The following SLC25A40 variants were observed in gnomAD, a reference collection of about 807,000 sequenced individuals.
SLC25A40 encodes the protein solute carrier family 25 member 40, also known as mitochondrial glutathione transporter SLC25A40.
SLC25A40 carries 41 observed loss-of-function variants against 46.5 expected under a neutral mutation model. The ratio of observed to expected loss-of-function variants is 0.88; its 90% CI spans 0.69 to 1.14. SLC25A40 has a LOEUF of 1.14. SLC25A40 is among the 50% of genes most tolerant of loss of function. The probability of loss-of-function intolerance (pLI) is 0.00; values close to 1 mark genes in which losing one functional copy is unlikely to be tolerated. For synonymous variants in SLC25A40, 126 were observed against 127.5 expected (o/e 0.99, Z 0.08); for missense variants, 386 against 393.6 (o/e 0.98, Z 0.16).
intron 1 of SLC25A40, among the ~76,000 whole-genome samples, chr7:87,863,870 C>T (rs1290684066): frequency 6.6e-6 from 1 of 152,168 alleles, no homozygotes; most frequent in African/African-American, 2.4e-5. Flanking sequence ...CCAAAACCTT[C>T]CTGGCCTCTG....
At chr7:87,857,014 CAATT>C (rs1200648476) in intron 3 of SLC25A40, among the ~76,000 whole-genome samples, 13 of 152,068 alleles carry the variant, frequency 8.5e-5, no homozygotes, top group Admixed American at 5.2e-4. Context: ...ACATCATAAG[CAATT>C]AATTTATTTG....
chr7:87,846,436 C>T (rs1167836191), intron 8 of SLC25A40, among the ~76,000 whole-genome samples: 1 of 152,156 alleles, frequency 6.6e-6, no homozygotes, highest in African/African-American at 2.4e-5. Context: ...TTACACTTCT[C>T]ACTTTTCATA....
At chr7:87,851,886 A>G (rs1838517827) in intron 5 of SLC25A40, among the ~76,000 whole-genome samples, 1 of 152,206 alleles carries the variant, frequency 6.6e-6, no homozygotes, top group African/African-American at 2.4e-5. Flanking sequence ...GTAACTTACA[A>G]AGGAAGGCAG....
intron 1 of SLC25A40, among the ~76,000 whole-genome samples, chr7:87,863,617 G>A (rs890944362): frequency 6.0e-5 from 9 of 150,164 alleles, no homozygotes; most frequent in Non-Finnish European, 1.3e-4. Flanking sequence ...CATGTTTTGG[G>A]GGTACATGTG....
chr7:87,864,430 G>A (rs568898099), intron 1 of SLC25A40, among the ~76,000 whole-genome samples: 4 of 152,210 alleles, frequency 2.6e-5, no homozygotes, highest in Admixed American at 6.5e-5. Context: ...TCAAAAAAAC[G>A]TGGTCTTATT....
intron 1 of SLC25A40, among the ~76,000 whole-genome samples, chr7:87,862,741 A>C (rs1838726845): frequency 6.6e-6 from 1 of 152,234 alleles, no homozygotes; most frequent in Non-Finnish European, 1.5e-5. Context: ...AAAGTGTTTT[A>C]ATGAACTCAC....
chr7:87,835,511 T>A lies in SLC25A40; in HGVS notation c.*738A>T, dbSNP rs1036037230. 1.3e-5 allele frequency: 2 copies of A among 151,580 alleles called. No homozygotes were observed. Among genetic ancestry groups the A allele is most frequent in the Non-Finnish European group, 3.0e-5 (2 of 67,676 alleles). 9.4% of individuals were successfully genotyped at this position (151,580 alleles called of 1,614,324 possible). On this transcript the variant is annotated 3_prime_UTR_variant, in exon 12 of 12. Coordinates refer to ENST00000341119, the MANE Select transcript of SLC25A40 (RefSeq NM_018843.4). ...ATGGTTTACCACTGAACACCCAAGT[T>A]TGACTGAAGTGAACATTTGCTACTA...
At chr7:87,865,339 C>T (rs1417136213) in intron 1 of SLC25A40, among the ~76,000 whole-genome samples, 1 of 152,184 alleles carries the variant, frequency 6.6e-6, no homozygotes, top group African/African-American at 2.4e-5. Context: ...CACATTTTGA[C>T]TTTGTCTTAA....
intron 1 of SLC25A40, among the ~76,000 whole-genome samples, chr7:87,871,683 T>G (rs1220745213): frequency 6.6e-6 from 1 of 152,216 alleles, no homozygotes; most frequent in East Asian, 1.9e-4. Flanking sequence ...TGTTTTATCC[T>G]TTGTATATAG....
chr7:87,862,792 G>A (rs529225543), intron 1 of SLC25A40, among the ~76,000 whole-genome samples: 3 of 152,274 alleles, frequency 2.0e-5, no homozygotes, highest in East Asian at 3.9e-4. Context: ...CATGGCAGAA[G>A]GTAAAAGGCA....
intron 10 of SLC25A40, among the ~76,000 whole-genome samples, chr7:87,839,749 G>A (rs1239756984): frequency 6.6e-6 from 1 of 151,750 alleles, no homozygotes; most frequent in East Asian, 1.9e-4. Context: ...CATGGTGCCT[G>A]ACACAGTATA....
At chr7:87,839,261 C>T (rs1562741224) in intron 10 of SLC25A40, among the ~76,000 whole-genome samples, 1 of 151,180 alleles carries the variant, frequency 6.6e-6, no homozygotes, top group Non-Finnish European at 1.5e-5. Context: ...GCAAGTATAA[C>T]CATTTTGTGA....
intron 1 of SLC25A40, among the ~76,000 whole-genome samples, chr7:87,867,768 T>C (rs886829004): frequency 6.6e-6 from 1 of 152,258 alleles, no homozygotes. Flanking sequence ...CTGTTGAATA[T>C]TGTTTCCCAC....
At chr7:87,852,331 A>G (rs1475854954) in intron 5 of SLC25A40, among the ~76,000 whole-genome samples, 1 of 152,230 alleles carries the variant, frequency 6.6e-6, no homozygotes, top group Admixed American at 6.5e-5. Context: ...CCGGTATCTC[A>G]GCACTTTGGG....
intron 10 of SLC25A40, among the ~76,000 whole-genome samples, chr7:87,841,172 T>C (rs543968090): frequency 1.0e-3 from 149 of 149,150 alleles, no homozygotes; most frequent in South Asian, 2.1e-3. Flanking sequence ...TATATATATA[T>C]ATATACATAT....
intron 1 of SLC25A40, among the ~76,000 whole-genome samples, chr7:87,865,864 T>C (rs923956691): frequency 6.6e-6 from 1 of 152,118 alleles, no homozygotes; most frequent in Non-Finnish European, 1.5e-5. Flanking sequence ...GGTGGATCGC[T>C]TGAGCCCAGG....
intron 4 of SLC25A40, among the ~76,000 whole-genome samples, chr7:87,854,981 G>C (rs1015177537): frequency 6.6e-6 from 1 of 151,918 alleles, no homozygotes; most frequent in Non-Finnish European, 1.5e-5. Flanking sequence ...GCTACACAGT[G>C]AGCCTCCATC....
chr7:87,843,649 A>C, intron 9 of SLC25A40, 105 bp downstream of exon 9: 3 of 705,692 alleles, frequency 4.3e-6, no homozygotes, highest in South Asian at 4.0e-5. Flanking sequence ...ATTTTCAAGC[A>C]GTGCAGCCAA....
rs539675158 is a variant in SLC25A40, at chr7:87,854,297, T to A, written c.171A>T (p.Val57=). 2 of 1,601,634 alleles carry A rather than the reference T, an allele frequency of 1.2e-6. No individual in the cohort carries two copies. Among genetic ancestry groups the A allele is most frequent in the Non-Finnish European group, 1.7e-6 (2 of 1,173,490 alleles). ...NNPLPKGKCF[V]YSNGLMDHLC... is the part of the protein sequence containing the mutation. Reference sequence around the variant, plus strand: ...GATGATCCATGAGTCCATTACTATATACAAAACATTTTCCTAACAAAGAAG... The same window carrying A: ...GATGATCCATGAGTCCATTACTATAAACAAAACATTTTCCTAACAAAGAAG... The change falls in exon 5 of 12, where the codon GTA becomes GTT. Residue 57 remains valine, a synonymous_variant. Coordinates refer to ENST00000341119, the MANE Select transcript of SLC25A40 (RefSeq NM_018843.4).
Sources: allele counts gnomAD v4.1 joint callset (sites outside exome capture counted in the v4.1 genomes callset), GRCh38; gene constraint gnomAD v4.1.1; transcripts MANE v1.5; gene names NCBI Gene and HGNC (gene_info 2026-07-23, HGNC 2026-07-21).